LRP1B: variants seen among roughly 807,000 people sequenced by gnomAD.
LRP1B encodes the protein low-density lipoprotein receptor-related protein 1B.
In LRP1B, 217 loss-of-function variants were observed where a neutral mutation model predicts 556.6. The observed-to-expected ratio is 0.39, with a 90% confidence interval of 0.35 to 0.44. The LOEUF (loss-of-function observed/expected upper bound fraction) is 0.44. LRP1B is among the 20% of genes least tolerant of loss of function. The probability of loss-of-function intolerance (pLI) is 1.00; values close to 1 mark genes in which losing one functional copy is unlikely to be tolerated. For missense variants in LRP1B, 5,053 were observed against 5,620.8 expected, an observed-to-expected ratio of 0.90 and a Z score of 3.23; for synonymous variants, 2,047 against 1,865.8, an observed-to-expected ratio of 1.10 and a Z score of -2.50.
At chr2:141,004,323 T>C (rs1164882351) in intron 15 of LRP1B, among the ~76,000 whole-genome samples, 2 of 152,056 alleles carry the variant, frequency 1.3e-5, no homozygotes, top group African/African-American at 2.4e-5. Context: ...CCCTCAGTCG[T>C]GTAGATGAAC....
chr2:142,121,599 C>T (rs1707458142), intron 1 of LRP1B, among the ~76,000 whole-genome samples: 4 of 152,206 alleles, frequency 2.6e-5, no homozygotes, highest in Non-Finnish European at 4.4e-5. Context: ...ATGTCACTTA[C>T]TCAACAAGGC....
chr2:141,573,723 A>G (rs1686624456), intron 2 of LRP1B, among the ~76,000 whole-genome samples: 1 of 152,026 alleles, frequency 6.6e-6, no homozygotes, highest in Admixed American at 6.6e-5. Flanking sequence ...AAAGAAGAAG[A>G]GAGAGAATAA....
chr2:141,898,193 T>G (rs1396844470), intron 1 of LRP1B, among the ~76,000 whole-genome samples: 1 of 152,140 alleles, frequency 6.6e-6, no homozygotes, highest in Non-Finnish European at 1.5e-5. Context: ...AACAAAACCT[T>G]GATATGCTGT....
chr2:140,997,008 T>G (rs534502827), intron 15 of LRP1B, among the ~76,000 whole-genome samples: 48 of 152,134 alleles, frequency 3.2e-4, no homozygotes, highest in Admixed American at 1.5e-3. Flanking sequence ...TTCAGAGTTG[T>G]GCTTTGAACT....
At chr2:141,449,321 G>C (rs1009827353) in intron 3 of LRP1B, among the ~76,000 whole-genome samples, 1 of 152,030 alleles carries the variant, frequency 6.6e-6, no homozygotes, top group Non-Finnish European at 1.5e-5. Flanking sequence ...TTGGCATTTG[G>C]GAAGTTGCAT....
At chr2:141,740,521 A>G (rs1693656672) in intron 2 of LRP1B, among the ~76,000 whole-genome samples, 1 of 152,168 alleles carries the variant, frequency 6.6e-6, no homozygotes, top group Non-Finnish European at 1.5e-5. Context: ...TAGGCATGCA[A>G]TGTGTAATAA....
chr2:141,677,989 T>C (rs796820070), intron 2 of LRP1B, among the ~76,000 whole-genome samples: 3 of 152,274 alleles, frequency 2.0e-5, no homozygotes, highest in African/African-American at 7.2e-5. Flanking sequence ...ATGTAATAGA[T>C]ATTTCCTAGT....
At chr2:142,065,116 CAT>C (rs1705062567) in intron 1 of LRP1B, among the ~76,000 whole-genome samples, 1 of 151,522 alleles carries the variant, frequency 6.6e-6, no homozygotes, top group South Asian at 2.1e-4. Flanking sequence ...ATTTGACTTT[CAT>C]TATATAACTA....
rs1427294894 is a variant in LRP1B, at chr2:141,746,657, A to T, written c.205+63622T>A. 2.0e-5 allele frequency among the ~76,000 whole-genome samples: 3 copies of T among 152,164 alleles called. No individual in the cohort carries two copies. In the East Asian group the frequency reaches 5.8e-4, roughly 29 times the overall value. On this transcript the variant is annotated intron_variant, in intron 2 of 90. Transcript: ENST00000389484. ...TGGTTTCTATGCAGAAAAAAAAAACACCTTCACAAGATATAGATAGTTGTT... is the reference window on the plus strand; with the variant it reads ...TGGTTTCTATGCAGAAAAAAAAAACTCCTTCACAAGATATAGATAGTTGTT...
chr2:141,441,341 G>T (rs1031953786), intron 3 of LRP1B, among the ~76,000 whole-genome samples: 3 of 152,086 alleles, frequency 2.0e-5, no homozygotes, highest in Non-Finnish European at 4.4e-5. Context: ...GCCTCCCAAA[G>T]TGCTGGGACT....
intron 2 of LRP1B, among the ~76,000 whole-genome samples, chr2:141,791,299 T>G (rs1179419402): frequency 6.6e-6 from 1 of 152,028 alleles, no homozygotes; most frequent in African/African-American, 2.4e-5. Flanking sequence ...TGTTCACCTT[T>G]ATAAATGCCA....
chr2:140,750,933 C>T (rs1477179889), intron 35 of LRP1B, among the ~76,000 whole-genome samples: 2 of 151,508 alleles, frequency 1.3e-5, no homozygotes, highest in South Asian at 2.1e-4. Flanking sequence ...AGACACTCAT[C>T]TATGACCTGA....
intron 57 of LRP1B, among the ~76,000 whole-genome samples, chr2:140,490,825 T>C (rs922378433): frequency 6.6e-6 from 1 of 152,118 alleles, no homozygotes; most frequent in Admixed American, 6.6e-5. Context: ...CCATTATCAA[T>C]TGCTTTCCAA....
At chr2:140,612,064 A>T (rs1683090719) in intron 41 of LRP1B, among the ~76,000 whole-genome samples, 1 of 152,114 alleles carries the variant, frequency 6.6e-6, no homozygotes, top group Non-Finnish European at 1.5e-5. Context: ...CTAATTTACA[A>T]GCAATAAGGA....
intron 1 of LRP1B, among the ~76,000 whole-genome samples, chr2:141,945,328 A>G (rs1279232172): frequency 6.6e-6 from 1 of 152,190 alleles, no homozygotes; most frequent in Non-Finnish European, 1.5e-5. Flanking sequence ...CCTGGGGCTC[A>G]GAAGATGTAA....
At chr2:141,044,320 G>C (rs1389202978) in intron 11 of LRP1B, among the ~76,000 whole-genome samples, 2 of 151,546 alleles carry the variant, frequency 1.3e-5, no homozygotes, top group African/African-American at 2.4e-5. Context: ...AAAAACCCTA[G>C]AAAAAAACCT....
intron 32 of LRP1B, among the ~76,000 whole-genome samples, chr2:140,784,823 AT>A (rs1032180724): frequency 3.7e-4 from 56 of 152,028 alleles, no homozygotes; most frequent in African/African-American, 1.3e-3. Flanking sequence ...CCTCAAGGAA[AT>A]TTTTTTTAAG....
chr2:140,673,585 T>C (rs1685563179), intron 41 of LRP1B, among the ~76,000 whole-genome samples: 1 of 152,198 alleles, frequency 6.6e-6, no homozygotes, highest in African/African-American at 2.4e-5. Flanking sequence ...CTTTTTCTAT[T>C]ATTGTCCTAA....
chr2:140,516,761 T>C, intron 50 of LRP1B, 128 bp downstream of exon 50: 2 of 851,810 alleles, frequency 2.3e-6, no homozygotes, highest in Non-Finnish European at 3.6e-6. Context: ...TTTTGTATTA[T>C]TTAATAAAAA....
Sources: gnomAD v4.1 joint callset for allele counts (sites outside exome capture counted in the v4.1 genomes callset) on GRCh38, gnomAD v4.1.1 for gene constraint, MANE v1.5 for transcripts, NCBI Gene and HGNC (gene_info 2026-07-23, HGNC 2026-07-21) for gene names.